The following LYN variants were observed in gnomAD, a reference collection of about 807,000 sequenced individuals.
The protein encoded by LYN is LYN proto-oncogene, Src family tyrosine kinase.
A neutral mutation model predicts 65.0 loss-of-function variants in LYN; 12 were observed. The observed-to-expected ratio is 0.18, with a 90% confidence interval of 0.12 to 0.30. The LOEUF (loss-of-function observed/expected upper bound fraction) is 0.30. LYN is among the 10% of genes least tolerant of loss of function. The pLI, the probability that LYN is intolerant of heterozygous loss-of-function variation, is 1.00. For synonymous variants in LYN, 222 were observed against 221.2 expected (o/e 1.00, Z -0.03); for missense variants, 380 against 623.2 (o/e 0.61, Z 4.16).
chr8:56,006,516 C>T (rs1219831438), intron 12 of LYN, among the ~76,000 whole-genome samples: 3 of 150,712 alleles, frequency 2.0e-5, no homozygotes, highest in African/African-American at 7.5e-5. Context: ...TTTTCTCCTT[C>T]TTCTGCTTCT....
At chr8:55,939,187 G>C (rs7824555) in intron 1 of LYN, among the ~76,000 whole-genome samples, 22,102 of 152,188 alleles carry the variant, frequency 0.15, 1,760 homozygotes, top group Middle Eastern at 0.29. Flanking sequence ...GAGGACCTCT[G>C]TTGAGGTTTC....
intron 2 of LYN, among the ~76,000 whole-genome samples, chr8:55,942,635 A>T (rs1304180980): frequency 6.6e-6 from 1 of 151,634 alleles, no homozygotes; most frequent in Non-Finnish European, 1.5e-5. Context: ...AAATACAAAA[A>T]TTAGCTGGGC....
chr8:55,996,863 C>T (rs1430554863), intron 10 of LYN, among the ~76,000 whole-genome samples: 2 of 152,084 alleles, frequency 1.3e-5, no homozygotes, highest in Non-Finnish European at 2.9e-5. Flanking sequence ...GGCGTGGTGG[C>T]TCATGCCTGT....
At chr8:55,990,317 A>G (rs2130569123) in intron 10 of LYN, among the ~76,000 whole-genome samples, 1 of 151,644 alleles carries the variant, frequency 6.6e-6, no homozygotes, top group Non-Finnish European at 1.5e-5. Context: ...GAGTTGTAGT[A>G]AGCTTGAGTT....
intron 1 of LYN, among the ~76,000 whole-genome samples, chr8:55,912,514 C>G (rs1220986489): frequency 6.6e-6 from 1 of 152,040 alleles, no homozygotes; most frequent in African/African-American, 2.4e-5. Context: ...CACCTGAGGT[C>G]CAGGAGTTCG....
chr8:55,983,275 T>C (rs1807979160), intron 10 of LYN, among the ~76,000 whole-genome samples: 1 of 152,096 alleles, frequency 6.6e-6, no homozygotes, highest in South Asian at 2.1e-4. Context: ...TTCCCTGCTG[T>C]CTCTTTCCCT....
chr8:55,915,818 GAGAA>G (rs1369772300), intron 1 of LYN, among the ~76,000 whole-genome samples: 7 of 151,834 alleles, frequency 4.6e-5, no homozygotes, highest in Non-Finnish European at 2.9e-5. Flanking sequence ...AGAGAGAAGA[GAGAA>G]AGAGAGCGAG....
rs138001796 is a variant in LYN at position 56,010,827 on chromosome 8, C to G, written c.*717C>G. ...GCCCTGTCTGCTCACCCGAAGGCAC[C>G]GGGCTCACCTGGACCTCCCAGGAAA... On this transcript the variant is annotated 3_prime_UTR_variant, in exon 13 of 13. Transcript: ENST00000519728. The G allele has an allele frequency of 2.8e-3, 641 of 230,464 alleles. 3 individuals are homozygous for G. Among genetic ancestry groups the G allele is most frequent in the African/African-American group, 0.014 (615 of 45,308 alleles). 14.3% of individuals were successfully genotyped at this position (230,464 alleles called of 1,614,324 possible).
chr8:56,010,249 TC>T lies in LYN; in HGVS notation c.*140del. On this transcript the variant is annotated 3_prime_UTR_variant, in exon 13 of 13. Transcript: ENST00000519728. Reference sequence around the variant, plus strand: ...GATCCTGAAATAGAGGCTAAATTACTCAGGAAGAACACCCTCTAAATGGGAA... The same window carrying T: ...GATCCTGAAATAGAGGCTAAATTACTAGGAAGAACACCCTCTAAATGGGAA... 1 of 803,622 alleles carries T rather than the reference TC, an allele frequency of 1.2e-6. No individual in the cohort carries two copies. Among genetic ancestry groups the T allele is most frequent in the East Asian group, 2.6e-5 (1 of 38,092 alleles). 49.8% of individuals were successfully genotyped at this position (803,622 alleles called of 1,614,324 possible).
intron 8 of LYN, among the ~76,000 whole-genome samples, chr8:55,958,912 T>G (rs60826707): frequency 6.6e-6 from 1 of 152,214 alleles, no homozygotes; most frequent in African/African-American, 2.4e-5. Flanking sequence ...TTTGCCACTG[T>G]GAACATGGGT....
chr8:55,925,664 G>A (rs1052534378), intron 1 of LYN, among the ~76,000 whole-genome samples: 1 of 152,146 alleles, frequency 6.6e-6, no homozygotes, highest in Middle Eastern at 3.2e-3. Context: ...CAGGCCGCCC[G>A]TGACACCAAG....
At chr8:55,902,619 A>G (rs1805303687) in intron 1 of LYN, 2 of 331,474 alleles carry the variant, frequency 6.0e-6, no homozygotes, top group South Asian at 2.5e-5. Flanking sequence ...AAAAACAACA[A>G]CAACAGTAGT....
intron 1 of LYN, among the ~76,000 whole-genome samples, chr8:55,912,306 A>G (rs1338762208): frequency 6.6e-6 from 1 of 152,240 alleles, no homozygotes; most frequent in African/African-American, 2.4e-5. Context: ...GTTATTTTGC[A>G]ATGAAAGCCA....
At chr8:55,885,149 C>T (rs1219399244) in intron 1 of LYN, among the ~76,000 whole-genome samples, 1 of 152,210 alleles carries the variant, frequency 6.6e-6, no homozygotes. Flanking sequence ...CAGTTAACCT[C>T]ATTATTGTAA....
At chr8:55,992,929 G>A (rs180993118) in intron 10 of LYN, among the ~76,000 whole-genome samples, 9 of 152,054 alleles carry the variant, frequency 5.9e-5, no homozygotes, top group Admixed American at 2.0e-4. Context: ...CTCTTAATAC[G>A]ATTGCATTGG....
chr8:55,902,916 T>A, intron 1 of LYN: 1 of 343,112 alleles, frequency 2.9e-6, no homozygotes, highest in Admixed American at 3.8e-5. Context: ...CGGCGCAATC[T>A]CCACTCACTG....
At chr8:55,994,031 A>C (rs2667973) in intron 10 of LYN, among the ~76,000 whole-genome samples, 40,265 of 152,108 alleles carry the variant, frequency 0.26, 5,788 homozygotes, top group African/African-American at 0.35. Context: ...AAAAGTTGAC[A>C]CTACATTCAA....
intron 1 of LYN, among the ~76,000 whole-genome samples, chr8:55,888,312 T>C (rs1232806495): frequency 6.6e-6 from 1 of 152,094 alleles, no homozygotes; most frequent in East Asian, 1.9e-4. Flanking sequence ...TTACCAGAGC[T>C]TGTTCCAGAG....
rs1293376575 is a variant in LYN at position 55,880,005 on chromosome 8, C to T, written c.-104C>T. Reference sequence around the variant, plus strand: ...GTCCAGCGTTCCCGGCCAGCAGCCTCCCCATACGCAGGTCCTGCTGGGCCG... The same window carrying T: ...GTCCAGCGTTCCCGGCCAGCAGCCTTCCCATACGCAGGTCCTGCTGGGCCG... On this transcript the variant is annotated 5_prime_UTR_variant, in exon 1 of 13. Coordinates refer to ENST00000519728, the MANE Select transcript of LYN (RefSeq NM_002350.4). 1 of 292,340 alleles carries T rather than the reference C, an allele frequency of 3.4e-6. No individual in the cohort carries two copies. Among genetic ancestry groups the T allele is most frequent in the Middle Eastern group, 4.2e-4 (1 of 2,386 alleles). The allele number at this position is 292,340 out of a possible 1,614,324, so 18.1% of individuals were successfully genotyped here. A position where few individuals can be genotyped will look rare whatever the true frequency, so the allele number is the denominator to read the frequency against.
Sources: allele counts gnomAD v4.1 joint callset (sites outside exome capture counted in the v4.1 genomes callset), GRCh38; gene constraint gnomAD v4.1.1; transcripts MANE v1.5; gene names NCBI Gene and HGNC (gene_info 2026-07-23, HGNC 2026-07-21).